The following COL27A1 variants were observed in gnomAD, a reference collection of about 807,000 sequenced individuals.
COL27A1 encodes the protein collagen alpha-1(XXVII) chain.
Under a neutral mutation model 251.3 loss-of-function variants are expected in COL27A1, and 106 were observed. That is an observed-to-expected ratio of 0.42 (90% CI 0.36 to 0.50). The LOEUF is 0.50. Ranked by LOEUF, COL27A1 falls within the 20% of genes least tolerant of loss-of-function variation. The pLI is 0.00. For missense variants in COL27A1, 2,325 were observed against 2,522.8 expected, an observed-to-expected ratio of 0.92 and a Z score of 1.68; for synonymous variants, 1,000 against 986.3, an observed-to-expected ratio of 1.01 and a Z score of -0.26.
intron 5 of COL27A1, among the ~76,000 whole-genome samples, chr9:114,186,572 C>T (rs1828355338): frequency 1.3e-5 from 2 of 152,162 alleles, no homozygotes; most frequent in South Asian, 4.2e-4. Flanking sequence ...TGAGGGACAC[C>T]TTCTCAGAGG....
chr9:114,300,867 C>G (rs942571006), intron 51 of COL27A1, among the ~76,000 whole-genome samples, 180 bp downstream of exon 51: 1 of 152,222 alleles, frequency 6.6e-6, no homozygotes. Flanking sequence ...CATCCTTCCC[C>G]GCTTTCACTC....
intron 26 of COL27A1, 82 bp from the exon 27 acceptor site, chr9:114,252,797 A>G (rs777798978): frequency 1.4e-6 from 2 of 1,479,844 alleles, no homozygotes; most frequent in Non-Finnish European, 1.9e-6. Flanking sequence ...CTGGCTTTGC[A>G]CTGGGGCTGA....
chr9:114,163,579 C>A (rs1848637688), intron 2 of COL27A1, among the ~76,000 whole-genome samples: 2 of 152,174 alleles, frequency 1.3e-5, no homozygotes, highest in Middle Eastern at 3.2e-3. Flanking sequence ...TCTCCCACAT[C>A]TGTTTGTCAA....
At chr9:114,295,891 A>G (rs2131643256) in intron 49 of COL27A1, among the ~76,000 whole-genome samples, 1 of 152,220 alleles carries the variant, frequency 6.6e-6, no homozygotes, top group African/African-American at 2.4e-5. Flanking sequence ...CAGGTGATCC[A>G]CCACCTCGGC....
Position 114,205,794 on chromosome 9 carries a change from AG to A in COL27A1, c.2207del (p.Gly736ValfsTer12). On this transcript the variant is annotated frameshift_variant, in exon 9 of 61. Coordinates refer to ENST00000356083, the MANE Select transcript of COL27A1 (RefSeq NM_032888.4). LOFTEE classifies it high-confidence loss of function. ...GACCTGAGGGCAGCCCAGGGGCCAA[AG>A]GTTACCCTGGCAGGCAGGTGCAGTA... ...PGPEGSPGAK[G>X]YPGRQGLPGP... The A allele has an allele frequency of 6.2e-7, 1 of 1,613,588 alleles. No homozygotes were observed. The highest frequency in any genetic ancestry group is 8.5e-7 in the Non-Finnish European group (1 of 1,179,786).
At chr9:114,213,184 A>G (rs549684751) in intron 12 of COL27A1, among the ~76,000 whole-genome samples, 16 of 152,294 alleles carry the variant, frequency 1.1e-4, no homozygotes, top group African/African-American at 3.6e-4. Flanking sequence ...TCTCCTGAGC[A>G]TGGAAGAGGT....
intron 3 of COL27A1, among the ~76,000 whole-genome samples, chr9:114,175,273 G>C (rs1827329659): frequency 6.6e-6 from 1 of 152,244 alleles, no homozygotes; most frequent in Non-Finnish European, 1.5e-5. Flanking sequence ...CCCTCTCAGA[G>C]GCCCCGTTGT....
chr9:114,194,476 C>G lies in COL27A1; in HGVS notation c.2070+19C>G. 1 of 1,606,490 alleles carries G rather than the reference C, an allele frequency of 6.2e-7. No individual in the cohort carries two copies. The highest frequency in any genetic ancestry group is 8.5e-7 in the Non-Finnish European group (1 of 1,174,996). On this transcript the variant is annotated intron_variant, in intron 6 of 60. Coordinates refer to ENST00000356083, the MANE Select transcript of COL27A1 (RefSeq NM_032888.4). ...GGCAAAGGTAGGTTTCCAGGGACCC[C>G]AGTTCTCAGGGAAGAGGGGAGTGGA...
intron 24 of COL27A1, among the ~76,000 whole-genome samples, chr9:114,248,403 C>G (rs1363507985): frequency 6.6e-6 from 1 of 152,224 alleles, no homozygotes; most frequent in Non-Finnish European, 1.5e-5. Context: ...AAGAAAACTT[C>G]CGGTAGCAGA....
chr9:114,253,480 AAAG>A (rs1006327821), intron 27 of COL27A1, among the ~76,000 whole-genome samples: 6 of 151,880 alleles, frequency 4.0e-5, no homozygotes, highest in Non-Finnish European at 5.9e-5. Flanking sequence ...AAGGAAAAGA[AAAG>A]AAAGGAAGGA....
At chr9:114,217,629 T>C in intron 12 of COL27A1, 1 of 374,274 alleles carries the variant, frequency 2.7e-6, no homozygotes, top group South Asian at 2.0e-5. Flanking sequence ...AGGGCTCATC[T>C]GCAGGCCATC....
At chr9:114,235,239 C>G (rs568483005) in intron 16 of COL27A1, among the ~76,000 whole-genome samples, 46 of 152,320 alleles carry the variant, frequency 3.0e-4, no homozygotes, top group African/African-American at 1.1e-3. Flanking sequence ...TGCCTTCACC[C>G]CTGTGTGACA....
At chr9:114,210,239 C>G (rs974150265) in intron 11 of COL27A1, among the ~76,000 whole-genome samples, 2 of 152,242 alleles carry the variant, frequency 1.3e-5, no homozygotes, top group African/African-American at 4.8e-5. Context: ...TACATATTGT[C>G]AATGCCGCTT....
intron 57 of COL27A1, among the ~76,000 whole-genome samples, chr9:114,305,139 C>A (rs1828942437): frequency 6.6e-6 from 1 of 152,216 alleles, no homozygotes; most frequent in African/African-American, 2.4e-5. Context: ...GTCCTCTAGT[C>A]CAGCCTCGGT....
intron 37 of COL27A1, among the ~76,000 whole-genome samples, chr9:114,281,467 G>C (rs1039930826): frequency 5.9e-5 from 9 of 152,236 alleles, no homozygotes; most frequent in South Asian, 2.1e-4. Flanking sequence ...TGTGGGGCAG[G>C]GGCAGAGTGG....
At chr9:114,251,378 C>G (rs1202412861) in intron 25 of COL27A1, among the ~76,000 whole-genome samples, 9 of 152,116 alleles carry the variant, frequency 5.9e-5, no homozygotes, top group South Asian at 2.1e-4. Flanking sequence ...CTCTATCACT[C>G]TATGTGGCCC....
intron 7 of COL27A1, among the ~76,000 whole-genome samples, chr9:114,197,483 C>T (rs989060523): frequency 7.9e-5 from 12 of 152,298 alleles, no homozygotes; most frequent in Middle Eastern, 3.4e-3. Flanking sequence ...TGGGCTCTAG[C>T]GCTTTCTGAT....
At chr9:114,161,843 C>G (rs537827993) in intron 1 of COL27A1, among the ~76,000 whole-genome samples, 6 of 152,370 alleles carry the variant, frequency 3.9e-5, no homozygotes, top group Non-Finnish European at 7.3e-5. Context: ...AGAGCTTTAA[C>G]CCTTCCTGGC....
At chr9:114,195,872 T>A in intron 6 of COL27A1, 87 bp from the exon 7 acceptor site, 3 of 1,043,374 alleles carry the variant, frequency 2.9e-6, no homozygotes, top group Non-Finnish European at 4.6e-6. Flanking sequence ...AACCAGCCAT[T>A]GGAAGTTACC....
Sources: gnomAD v4.1 joint callset for allele counts (sites outside exome capture counted in the v4.1 genomes callset) on GRCh38, gnomAD v4.1.1 for gene constraint, MANE v1.5 for transcripts, NCBI Gene and HGNC (gene_info 2026-07-23, HGNC 2026-07-21) for gene names.